Variants in SORBS2 observed in about 807,000 individuals in gnomAD.
SORBS2 encodes sorbin and SH3 domain containing 2.
A neutral mutation model predicts 97.7 loss-of-function variants in SORBS2; 46 were observed. The observed-to-expected ratio is 0.47, with a 90% CI of 0.37 to 0.60. The LOEUF (loss-of-function observed/expected upper bound fraction) is 0.60, where lower values mean the gene tolerates loss of function less well. SORBS2 is among the 20% of genes least tolerant of loss of function. SORBS2 has a pLI of 0.00. For missense variants in SORBS2, 1,316 were observed against 1,282.3 expected, an observed-to-expected ratio of 1.03 and a Z score of -0.40; for synonymous variants, 476 against 473.4, an observed-to-expected ratio of 1.01 and a Z score of -0.07.
chr4:185,852,378 A>G (rs1485567136), intron 1 of SORBS2, among the ~76,000 whole-genome samples: 8 of 152,204 alleles, frequency 5.3e-5, no homozygotes, highest in African/African-American at 2.4e-5. Flanking sequence ...GTGAGATACT[A>G]TTCTCTCTAG....
intron 12 of SORBS2, among the ~76,000 whole-genome samples, chr4:185,604,767 C>T (rs1366067354): frequency 1.3e-5 from 2 of 152,170 alleles, no homozygotes; most frequent in East Asian, 3.8e-4. Flanking sequence ...GAGATAGGAA[C>T]ACCTATATTC....
At chr4:185,700,759 G>A (rs1230313460) in intron 2 of SORBS2, among the ~76,000 whole-genome samples, 1 of 152,142 alleles carries the variant, frequency 6.6e-6, no homozygotes, top group African/African-American at 2.4e-5. Flanking sequence ...ATGGGATGTG[G>A]TGTCTATTGC....
intron 2 of SORBS2, among the ~76,000 whole-genome samples, chr4:185,707,758 A>T (rs1360010621): frequency 6.6e-6 from 1 of 152,178 alleles, no homozygotes; most frequent in Non-Finnish European, 1.5e-5. Context: ...ACATGACAGC[A>T]GGCAAGAGAG....
intron 4 of SORBS2, among the ~76,000 whole-genome samples, chr4:185,643,317 G>T (rs1461722859): frequency 6.6e-6 from 1 of 152,148 alleles, no homozygotes; most frequent in Non-Finnish European, 1.5e-5. Flanking sequence ...AGCAATGCGG[G>T]AATTGAAAGT....
intron 1 of SORBS2, among the ~76,000 whole-genome samples, chr4:185,784,508 A>C (rs2099047107): frequency 6.6e-6 from 1 of 152,076 alleles, no homozygotes; most frequent in Admixed American, 6.5e-5. Context: ...GGTGCATGCT[A>C]ACAGAGAGAT....
At chr4:185,744,817 C>T (rs1052201462) in intron 2 of SORBS2, among the ~76,000 whole-genome samples, 1 of 152,248 alleles carries the variant, frequency 6.6e-6, no homozygotes, top group African/African-American at 2.4e-5. Flanking sequence ...CTGGCTCCTA[C>T]CATTCAGACT....
At chr4:185,645,890 C>T (rs2097199339) in intron 4 of SORBS2, 1 of 152,098 alleles carries the variant, frequency 6.6e-6, no homozygotes, top group Admixed American at 6.6e-5. Context: ...GAATCAAAAC[C>T]AAAGAAGGCC....
Position 185,902,494 on chromosome 4 carries a change from AG to A in SORBS2, c.-338+53701del, listed in dbSNP as rs530012723. 1.4e-4 allele frequency among the ~76,000 whole-genome samples: 22 copies of A among 152,212 alleles called. No homozygotes were observed. In the South Asian group the frequency reaches 4.4e-3, roughly 30 times the overall value. ...CCAAGTTCCTCAACATCTTAAGGTG[AG>A]GGCATTTTCAAATTGTGAAAAATCC... On this transcript the variant is annotated intron_variant, in intron 1 of 20. Transcript: ENST00000284776.
At chr4:185,676,896 A>G (rs2097794793) in intron 4 of SORBS2, 1 of 918,702 alleles carries the variant, frequency 1.1e-6, no homozygotes, top group Non-Finnish European at 1.6e-6. Flanking sequence ...CTGCTTGGAA[A>G]CTAAGAAAGC....
intron 2 of SORBS2, chr4:185,774,532 C>G (rs78812141): frequency 6.6e-6 from 1 of 152,052 alleles, no homozygotes; most frequent in Non-Finnish European, 1.5e-5. Context: ...CAAGTGCAAG[C>G]GTAACGAGGG....
At chr4:185,683,086 G>C (rs1315815725) in intron 2 of SORBS2, among the ~76,000 whole-genome samples, 1 of 151,756 alleles carries the variant, frequency 6.6e-6, no homozygotes, top group Non-Finnish European at 1.5e-5. Flanking sequence ...ACACAAAAGA[G>C]GGCTGTTTTT....
At chr4:185,743,774 T>G (rs1252342740) in intron 2 of SORBS2, among the ~76,000 whole-genome samples, 1 of 150,612 alleles carries the variant, frequency 6.6e-6, no homozygotes, top group Non-Finnish European at 1.5e-5. Context: ...TTCTGGTTCT[T>G]TCTTCTCCTT....
intron 2 of SORBS2, among the ~76,000 whole-genome samples, chr4:185,766,211 T>C (rs10004205): frequency 0.32 from 48,527 of 152,066 alleles, 8,178 homozygotes; most frequent in African/African-American, 0.41. Flanking sequence ...CAACAATTCC[T>C]GGCTGAGTCC....
intron 1 of SORBS2, chr4:185,918,604 C>T (rs73021838): frequency 0.1 from 15,857 of 152,226 alleles, 938 homozygotes; most frequent in Middle Eastern, 0.17. Flanking sequence ...CACGGCCTCA[C>T]GGTGGCCCCC....
chr4:185,793,741 C>T (rs1200394920), intron 1 of SORBS2, among the ~76,000 whole-genome samples: 1 of 152,084 alleles, frequency 6.6e-6, no homozygotes, highest in Non-Finnish European at 1.5e-5. Context: ...TTATTATGGA[C>T]TGAGAGCCAG....
At chr4:185,720,760 A>T (rs896917002) in intron 2 of SORBS2, among the ~76,000 whole-genome samples, 1 of 152,228 alleles carries the variant, frequency 6.6e-6, no homozygotes, top group Non-Finnish European at 1.5e-5. Context: ...TTACATGATC[A>T]TCTCAAAGAA....
At chr4:185,942,868 G>A (rs1441486808) in intron 1 of SORBS2, among the ~76,000 whole-genome samples, 1 of 152,144 alleles carries the variant, frequency 6.6e-6, no homozygotes, top group African/African-American at 2.4e-5. Flanking sequence ...AGAATTACTG[G>A]AAAAACAAGT....
intron 1 of SORBS2, among the ~76,000 whole-genome samples, chr4:185,951,190 C>T (rs2099277064): frequency 6.6e-6 from 1 of 152,180 alleles, no homozygotes; most frequent in Non-Finnish European, 1.5e-5. Context: ...TACCATCACG[C>T]TACCACTTCA....
At chr4:185,848,392 C>T (rs981873449) in intron 1 of SORBS2, among the ~76,000 whole-genome samples, 1 of 152,144 alleles carries the variant, frequency 6.6e-6, no homozygotes, top group African/African-American at 2.4e-5. Flanking sequence ...GACACACCAT[C>T]TCAACTTTTG....
Sources: gnomAD v4.1 joint callset for allele counts (sites outside exome capture counted in the v4.1 genomes callset) on GRCh38, gnomAD v4.1.1 for gene constraint, MANE v1.5 for transcripts, NCBI Gene and HGNC (gene_info 2026-07-23, HGNC 2026-07-21) for gene names.